The following ZNF320 variants were observed in gnomAD, a reference collection of about 807,000 sequenced individuals.
The protein encoded by ZNF320 is zinc finger gene 320.
Under a neutral mutation model 6.8 loss-of-function variants are expected in ZNF320, and 2 were observed. That is an observed-to-expected ratio of 0.29 (90% CI 0.12 to 0.93). The LOEUF is 0.93. Ranked by LOEUF, ZNF320 falls within the 40% of genes least tolerant of loss-of-function variation. ZNF320 has a pLI of 0.55. For synonymous variants in ZNF320, 208 were observed against 203.2 expected (o/e 1.02, Z -0.20); for missense variants, 472 against 611.0 (o/e 0.77, Z 2.40).
At chr19:52,902,711 GTTAAAT>G in the ZNF320 span, among the ~76,000 whole-genome samples, 1 of 152,134 alleles carries the variant, frequency 6.6e-6, no homozygotes, top group Non-Finnish European at 1.5e-5. Flanking sequence ...TGTTACTAAT[GTTAAAT>G]TTAATTTTAA....
downstream of ZNF320, among the ~76,000 whole-genome samples, chr19:52,874,770 A>C (rs1396779798): frequency 6.6e-6 from 1 of 152,144 alleles, no homozygotes. Context: ...TGATCACAAA[A>C]GTTTCCATAG....
chr19:52,859,512 T>C (rs2063473884), downstream of ZNF320, among the ~76,000 whole-genome samples: 1 of 152,218 alleles, frequency 6.6e-6, no homozygotes, highest in Admixed American at 6.5e-5. Context: ...ATAGAGTTTA[T>C]TGGAACACAA....
At chr19:52,882,471 T>C (rs929039070) in intron 5 of ZNF320, among the ~76,000 whole-genome samples, 5 of 152,306 alleles carry the variant, frequency 3.3e-5, no homozygotes, top group Middle Eastern at 6.8e-3. Flanking sequence ...CAAACAATCA[T>C]AGCACTGAGA....
intron 1 of ZNF320, among the ~76,000 whole-genome samples, chr19:52,896,526 A>AGGCAAAAGC (rs1186342154): frequency 6.6e-6 from 1 of 152,124 alleles, no homozygotes. Flanking sequence ...CTGAGCAACA[A>AGGCAAAAGC]GGCAAAAGCC....
intron 5 of ZNF320, among the ~76,000 whole-genome samples, chr19:52,882,550 G>A (rs908327219): frequency 6.6e-6 from 1 of 152,202 alleles, no homozygotes; most frequent in African/African-American, 2.4e-5. Flanking sequence ...AGGAGGCTTA[G>A]GCACAAGAAT....
At chr19:52,900,934 C>CT (rs560785126), upstream of ZNF320, among the ~76,000 whole-genome samples, 463 of 150,670 alleles carry the variant, frequency 3.1e-3, 5 homozygotes, top group African/African-American at 9.4e-3. Flanking sequence ...AACTGTGTAA[C>CT]TTTTTTTCTA....
chr19:52,896,009 A>G (rs1469633132), intron 1 of ZNF320, among the ~76,000 whole-genome samples: 1 of 152,218 alleles, frequency 6.6e-6, no homozygotes. Context: ...ATGTAGGGTC[A>G]AAGAAGAAAA....
downstream of ZNF320, among the ~76,000 whole-genome samples, chr19:52,872,850 G>A (rs1262624619): frequency 6.6e-6 from 1 of 152,168 alleles, no homozygotes; most frequent in African/African-American, 2.4e-5. Flanking sequence ...TGAGGGGAAT[G>A]TAGCAGGACT....
chr19:52,898,507 A>G (rs11881877), upstream of ZNF320, among the ~76,000 whole-genome samples: 86,385 of 152,100 alleles, frequency 0.57, 24,753 homozygotes, highest in Admixed American at 0.65. Context: ...TAAAAAAAGC[A>G]TTGACATTGT....
chr19:52,871,576 G>C (rs893465032), downstream of ZNF320, among the ~76,000 whole-genome samples: 10 of 152,046 alleles, frequency 6.6e-5, no homozygotes, highest in African/African-American at 2.4e-4. Context: ...AACTTCTTTC[G>C]AGGTCTACGG....
At chr19:52,887,000 A>AGGAG (rs770841905) in intron 5 of ZNF320, among the ~76,000 whole-genome samples, 2,616 of 87,532 alleles carry the variant, frequency 0.03, 84 homozygotes, top group African/African-American at 0.097. Flanking sequence ...GAAGGAAGGA[A>AGGAG]GGAAGGAAAA....
chr19:52,899,287 C>T (rs1600669760), upstream of ZNF320, among the ~76,000 whole-genome samples: 3 of 152,180 alleles, frequency 2.0e-5, no homozygotes, highest in East Asian at 1.9e-4. Context: ...GGATTGAGTC[C>T]GTGCCACACC....
Position 52,880,633 on chromosome 19 carries a change from T to G in ZNF320, c.1493A>C (p.Lys498Thr). Residue 498 changes from lysine to threonine, a missense_variant, in exon 6 of 6, where the codon AAG becomes ACG. Coordinates refer to ENST00000682928, the MANE Select transcript of ZNF320 (RefSeq NM_001351774.2). ...QKIPFGDNCF[K>T]CNEYSKPSSI... ...TGATGGTTTGCTATACTCATTGCAC[T>G]TGAAACAATTGTCTCCAAAAGGAAT... 1 of 1,612,914 alleles carries G rather than the reference T, an allele frequency of 6.2e-7. No homozygotes were observed. Among genetic ancestry groups the G allele is most frequent in the South Asian group, 1.1e-5 (1 of 90,846 alleles).
exon 6 of ZNF320, among the ~76,000 whole-genome samples, chr19:52,860,994 G>A (rs532855357): frequency 1.4e-5 from 2 of 144,700 alleles, no homozygotes; most frequent in African/African-American, 5.2e-5. Flanking sequence ...GACAGAGTGA[G>A]ATTCCGTCAA....
At chr19:52,892,649 T>C (rs2064333879) in intron 2 of ZNF320, among the ~76,000 whole-genome samples, 1 of 152,110 alleles carries the variant, frequency 6.6e-6, no homozygotes, top group South Asian at 2.1e-4. Context: ...TGCTGCTCCT[T>C]CTCCCCAATC....
chr19:52,867,173 A>T (rs1391344576), intron 5 of ZNF320, among the ~76,000 whole-genome samples: 1 of 151,530 alleles, frequency 6.6e-6, no homozygotes, highest in Non-Finnish European at 1.5e-5. Flanking sequence ...GGATTTAATT[A>T]ATTAATTAAT....
chr19:52,896,251 C>T (rs909180566), intron 1 of ZNF320, among the ~76,000 whole-genome samples: 2 of 152,108 alleles, frequency 1.3e-5, no homozygotes, highest in African/African-American at 4.8e-5. Flanking sequence ...GACATCACAC[C>T]TGGCTAATTT....
chr19:52,869,027 G>A (rs2063631272), intron 5 of ZNF320, among the ~76,000 whole-genome samples: 1 of 152,196 alleles, frequency 6.6e-6, no homozygotes, highest in South Asian at 2.1e-4. Flanking sequence ...TATCATGTGA[G>A]GCAAGGCCAG....
chr19:52,865,846 C>CATATATTTATATATTATACAT (rs1254907783), intron 5 of ZNF320, among the ~76,000 whole-genome samples: 2,883 of 69,794 alleles, frequency 0.041, 72 homozygotes, highest in South Asian at 0.059. Context: ...TGATTATACA[C>CATATATTTATATATTATACAT]ATATATTTAT....
Sources: allele counts gnomAD v4.1 joint callset (sites outside exome capture counted in the v4.1 genomes callset), GRCh38; gene constraint gnomAD v4.1.1; transcripts MANE v1.5; gene names NCBI Gene and HGNC (gene_info 2026-07-23, HGNC 2026-07-21).